The following ADAMTS6 variants were observed in gnomAD, a reference collection of about 807,000 sequenced individuals.
The protein encoded by ADAMTS6 is ADAM metallopeptidase with thrombospondin type 1 motif 6.
In ADAMTS6, 23 loss-of-function variants were observed where a neutral mutation model predicts 144.3. The ratio of observed to expected loss-of-function variants is 0.16; its 90% CI spans 0.11 to 0.23. The LOEUF is 0.23. Ranked by LOEUF, ADAMTS6 falls within the 10% of genes least tolerant of loss-of-function variation. ADAMTS6 has a pLI of 1.00. For missense variants in ADAMTS6, 999 were observed against 1,379.6 expected (o/e 0.72, Z 4.37); for synonymous variants, 444 against 457.5 (o/e 0.97, Z 0.38).
At chr5:65,474,796 CAAAA>C (rs11330695) in intron 1 of ADAMTS6, among the ~76,000 whole-genome samples, 2 of 78,880 alleles carry the variant, frequency 2.5e-5, no homozygotes, top group Non-Finnish European at 5.1e-5. Flanking sequence ...AAACTGTGAC[CAAAA>C]AAAAAAAAAA....
Position 65,188,054 on chromosome 5 carries a change from A to T in ADAMTS6, c.2872T>A (p.Ser958Thr), listed in dbSNP as rs1177922172. 6.2e-7 allele frequency: 1 copy of T among 1,614,118 alleles called. No homozygotes were observed. Among genetic ancestry groups the T allele is most frequent in the East Asian group, 2.2e-5 (1 of 44,874 alleles). Residue 958 changes from serine (S) to threonine (T), a missense_variant, in exon 22 of 25, where the codon TCA becomes ACA. By Grantham distance (58) the Ser-to-Thr change is moderately conservative (BLOSUM62 1). Coordinates refer to ENST00000381055, the MANE Select transcript of ADAMTS6 (RefSeq NM_197941.4). ...AAAGCCACCCACTGTGGTGGACATG[A>T]CTGGTTGTTGCAGGGCTCTTTTTCG... ...PVEKEPCNNQ[S>T]CPPQWVALDW... is the part of the protein sequence containing the mutation.
At chr5:65,370,761 G>A (rs900833444) in intron 7 of ADAMTS6, among the ~76,000 whole-genome samples, 3 of 152,238 alleles carry the variant, frequency 2.0e-5, no homozygotes, top group African/African-American at 4.8e-5. Context: ...CTCCAACTGG[G>A]TGGAGCCCAC....
chr5:65,260,744 T>C, intron 13 of ADAMTS6, 81 bp from the exon 14 acceptor site: 1 of 1,004,900 alleles, frequency 1.0e-6, no homozygotes, highest in Non-Finnish European at 1.5e-6. Context: ...GATGAAAACA[T>C]ACTAAAGTTT....
chr5:65,459,556 C>T (rs1759493644), intron 4 of ADAMTS6, among the ~76,000 whole-genome samples: 2 of 152,058 alleles, frequency 1.3e-5, no homozygotes, highest in African/African-American at 4.8e-5. Context: ...AGACATTCTC[C>T]CTTTTGGTTT....
At chr5:65,375,844 A>T (rs1449513801) in intron 7 of ADAMTS6, among the ~76,000 whole-genome samples, 5 of 152,232 alleles carry the variant, frequency 3.3e-5, no homozygotes, top group African/African-American at 1.2e-4. Context: ...CACAATAGCA[A>T]AGACTTGGAA....
At chr5:65,461,953 T>C (rs1759666934) in intron 3 of ADAMTS6, among the ~76,000 whole-genome samples, 1 of 152,164 alleles carries the variant, frequency 6.6e-6, no homozygotes, top group African/African-American at 2.4e-5. Context: ...TGATAAGACA[T>C]AATCAGAGTT....
chr5:65,175,010 GGTCCCTT>G (rs2112099264), intron 22 of ADAMTS6, among the ~76,000 whole-genome samples: 1 of 152,262 alleles, frequency 6.6e-6, no homozygotes, highest in South Asian at 2.1e-4. Flanking sequence ...AGCCTGGACA[GGTCCCTT>G]GTTTCAAAGG....
At chr5:65,241,586 C>G (rs1437019395) in intron 15 of ADAMTS6, among the ~76,000 whole-genome samples, 1 of 152,020 alleles carries the variant, frequency 6.6e-6, no homozygotes, top group African/African-American at 2.4e-5. Context: ...TAAAATACTT[C>G]TACTTATTGA....
chr5:65,377,740 C>T (rs552720316), intron 7 of ADAMTS6, among the ~76,000 whole-genome samples: 35 of 152,266 alleles, frequency 2.3e-4, no homozygotes, highest in Admixed American at 1.4e-3. Context: ...GCACCAGCAT[C>T]GTAGCTTCTC....
At chr5:65,315,934 C>T (rs573128812) in intron 9 of ADAMTS6, among the ~76,000 whole-genome samples, 57 of 152,066 alleles carry the variant, frequency 3.7e-4, no homozygotes, top group East Asian at 7.7e-4. Context: ...TTTTTGGAGA[C>T]GGAGTCTCGC....
chr5:65,267,309 T>C (rs930316868), intron 12 of ADAMTS6, among the ~76,000 whole-genome samples: 19 of 152,132 alleles, frequency 1.2e-4, no homozygotes, highest in African/African-American at 4.3e-4. Flanking sequence ...CATGTTACTT[T>C]AGTCTAAATT....
chr5:65,160,556 G>A lies in ADAMTS6; in HGVS notation c.3245-8611C>T, dbSNP rs566513343. On this transcript the variant is annotated intron_variant, in intron 24 of 24. Coordinates refer to ENST00000381055, the MANE Select transcript of ADAMTS6 (RefSeq NM_197941.4). ...CCTGACCTCGTGATCTGCCCGCCTC[G>A]CCCTCCCAAAGTGCTGGGATTACAG... 7.3e-5 allele frequency among the ~76,000 whole-genome samples: 11 copies of A among 151,398 alleles called. No homozygotes were observed. In the South Asian group the frequency reaches 1.0e-3, roughly 14 times the overall value.
At chr5:65,329,015 A>G (rs796295545) in intron 9 of ADAMTS6, among the ~76,000 whole-genome samples, 9 of 152,238 alleles carry the variant, frequency 5.9e-5, no homozygotes, top group African/African-American at 2.2e-4. Context: ...GTGAAAACTA[A>G]AAATACATTT....
chr5:65,405,709 G>A (rs926733485), intron 7 of ADAMTS6, among the ~76,000 whole-genome samples: 3 of 152,114 alleles, frequency 2.0e-5, no homozygotes, highest in Non-Finnish European at 2.9e-5. Flanking sequence ...TGATGGGGAT[G>A]GCATTGAATC....
intron 7 of ADAMTS6, among the ~76,000 whole-genome samples, chr5:65,435,434 A>G (rs1339410159): frequency 1.3e-5 from 2 of 152,094 alleles, no homozygotes; most frequent in African/African-American, 4.8e-5. Context: ...TGGGTTTCTT[A>G]TATTTTCTCT....
chr5:65,476,105 G>C (rs1437270174), intron 1 of ADAMTS6, among the ~76,000 whole-genome samples: 1 of 152,178 alleles, frequency 6.6e-6, no homozygotes, highest in African/African-American at 2.4e-5. Flanking sequence ...CAAGCAAGCT[G>C]TCATTTGTTG....
chr5:65,187,716 A>G (rs907842923), intron 22 of ADAMTS6, among the ~76,000 whole-genome samples: 16 of 152,162 alleles, frequency 1.1e-4, no homozygotes, highest in Non-Finnish European at 1.5e-5. Context: ...TAAACTTGTG[A>G]TGTGCTCAAC....
chr5:65,346,596 C>G (rs564362396), intron 7 of ADAMTS6, among the ~76,000 whole-genome samples: 21 of 151,584 alleles, frequency 1.4e-4, no homozygotes, highest in African/African-American at 4.8e-4. Context: ...CTTACCACTT[C>G]TAGTCAACAT....
chr5:65,369,525 T>A (rs1226737351), intron 7 of ADAMTS6, among the ~76,000 whole-genome samples: 1 of 144,184 alleles, frequency 6.9e-6, no homozygotes. Flanking sequence ...CATTAATCAC[T>A]GTTACGCTTC....
Sources: allele counts gnomAD v4.1 joint callset (sites outside exome capture counted in the v4.1 genomes callset), GRCh38; gene constraint gnomAD v4.1.1; transcripts MANE v1.5; gene names NCBI Gene and HGNC (gene_info 2026-07-23, HGNC 2026-07-21).